Variants in GRIK1 observed in about 807,000 individuals in gnomAD.
GRIK1 encodes glutamate receptor ionotropic, kainate 1.
Under a neutral mutation model 105.7 loss-of-function variants are expected in GRIK1, and 69 were observed. The observed-to-expected ratio is 0.65, with a 90% CI of 0.54 to 0.80. The LOEUF (loss-of-function observed/expected upper bound fraction) is 0.80. Ranked by LOEUF, GRIK1 falls within the 30% of genes least tolerant of loss-of-function variation. The pLI is 0.00. For missense variants in GRIK1, 1,109 were observed against 1,167.3 expected (o/e 0.95, Z 0.73); for synonymous variants, 438 against 431.3 (o/e 1.02, Z -0.19).
intron 7 of GRIK1, among the ~76,000 whole-genome samples, chr21:29,609,888 C>T (rs934584330): frequency 1.3e-5 from 2 of 152,108 alleles, no homozygotes; most frequent in African/African-American, 4.8e-5. Context: ...CTCTCTCTCT[C>T]CTATTGGTTT....
At chr21:29,883,995 G>A (rs1261778575) in intron 1 of GRIK1, among the ~76,000 whole-genome samples, 3 of 151,934 alleles carry the variant, frequency 2.0e-5, no homozygotes, top group East Asian at 3.9e-4. Flanking sequence ...AGAAGGGGGG[G>A]ATGCTTTATG....
At chr21:29,558,349 TATATATATATATTTC>T (rs1473686722) in intron 15 of GRIK1, among the ~76,000 whole-genome samples, 16 of 128,982 alleles carry the variant, frequency 1.2e-4, no homozygotes, top group Non-Finnish European at 1.6e-4. Context: ...ACTTGAAATA[TATATATATATATTTC>T]ATATATATAT....
At chr21:29,912,406 C>CAGAGAATGTCTCACAGAATGT (rs1337501561) in intron 1 of GRIK1, among the ~76,000 whole-genome samples, 4 of 152,040 alleles carry the variant, frequency 2.6e-5, no homozygotes, top group African/African-American at 9.7e-5. Flanking sequence ...AAACTTCTCC[C>CAGAGAATGTCTCACAGAATGT]CTACACAGAA....
At chr21:29,905,605 C>G (rs1307809479) in intron 1 of GRIK1, among the ~76,000 whole-genome samples, 1 of 148,570 alleles carries the variant, frequency 6.7e-6, no homozygotes, top group Non-Finnish European at 1.5e-5. Context: ...ACCATCATGC[C>G]CAGCAAATTT....
chr21:29,907,214 A>C (rs2070675308), intron 1 of GRIK1, among the ~76,000 whole-genome samples: 1 of 152,048 alleles, frequency 6.6e-6, no homozygotes, highest in Admixed American at 6.5e-5. Context: ...TGGAAGAATA[A>C]ATATCAAAAA....
intron 1 of GRIK1, among the ~76,000 whole-genome samples, chr21:29,875,810 A>G (rs755529366): frequency 6.6e-6 from 1 of 152,226 alleles, no homozygotes; most frequent in Non-Finnish European, 1.5e-5. Context: ...TCAAAAACTC[A>G]TGCTTTAACT....
At chr21:29,906,504 G>A (rs1478038941) in intron 1 of GRIK1, among the ~76,000 whole-genome samples, 2 of 152,044 alleles carry the variant, frequency 1.3e-5, no homozygotes, top group Admixed American at 6.5e-5. Flanking sequence ...ATTGACACTT[G>A]TTATTTCATC....
chr21:29,857,146 G>A (rs2068487519), intron 1 of GRIK1, among the ~76,000 whole-genome samples: 2 of 152,212 alleles, frequency 1.3e-5, no homozygotes, highest in Non-Finnish European at 2.9e-5. Context: ...TAGTGCAGGT[G>A]TAGATAATGA....
At chr21:29,796,786 T>A (rs1370780334) in intron 1 of GRIK1, among the ~76,000 whole-genome samples, 1 of 151,976 alleles carries the variant, frequency 6.6e-6, no homozygotes, top group African/African-American at 2.4e-5. Flanking sequence ...CCATCTCTAC[T>A]AAAAATACAA....
At chr21:29,731,054 A>G (rs2064612100) in intron 1 of GRIK1, among the ~76,000 whole-genome samples, 1 of 152,188 alleles carries the variant, frequency 6.6e-6, no homozygotes, top group African/African-American at 2.4e-5. Context: ...ATTCTTTAAG[A>G]TTAGGAAACA....
At chr21:29,743,232 G>A (rs1486148536) in intron 1 of GRIK1, among the ~76,000 whole-genome samples, 1 of 152,084 alleles carries the variant, frequency 6.6e-6, no homozygotes, top group Non-Finnish European at 1.5e-5. Context: ...GCATATGGGT[G>A]TTTATAGAAT....
chr21:29,641,922 C>T (rs2062518530), intron 7 of GRIK1, among the ~76,000 whole-genome samples: 1 of 152,180 alleles, frequency 6.6e-6, no homozygotes, highest in Admixed American at 6.6e-5. Flanking sequence ...GGGTATTCTC[C>T]TGTGCCCTCC....
intron 4 of GRIK1, among the ~76,000 whole-genome samples, chr21:29,656,072 G>A (rs893551729): frequency 2.0e-5 from 3 of 151,736 alleles, no homozygotes; most frequent in Non-Finnish European, 4.4e-5. Flanking sequence ...GCATAGAAAT[G>A]AAGAGAGAAG....
intron 1 of GRIK1, among the ~76,000 whole-genome samples, chr21:29,824,449 A>T (rs2067390442): frequency 6.6e-6 from 1 of 151,974 alleles, no homozygotes; most frequent in Non-Finnish European, 1.5e-5. Context: ...TTAAACATAT[A>T]AAAAAAGTCA....
Position 29,901,882 on chromosome 21 carries a change from C to T in GRIK1, c.118+37501G>A, listed in dbSNP as rs574979116. Among the ~76,000 whole-genome samples, 8 of 151,182 alleles carry T rather than the reference C, an allele frequency of 5.3e-5. No individual in the cohort carries two copies. In the East Asian group the frequency reaches 5.8e-4, roughly 11 times the overall value. ...TTAGGCCAATAACCCTGATGAACAT[C>T]GATGCAAAAATCCTCAATAAAATAC... is the stretch of plus-strand genomic sequence containing the variant. On this transcript the variant is annotated intron_variant, in intron 1 of 17. Coordinates refer to ENST00000327783, the MANE Select transcript of GRIK1 (RefSeq NM_001330994.2).
At chr21:29,751,828 T>C (rs2065210884) in intron 1 of GRIK1, among the ~76,000 whole-genome samples, 1 of 152,202 alleles carries the variant, frequency 6.6e-6, no homozygotes, top group Admixed American at 6.5e-5. Context: ...TGCATTATGA[T>C]TGTTCCCATT....
intron 3 of GRIK1, among the ~76,000 whole-genome samples, chr21:29,681,894 G>A (rs956940118): frequency 6.6e-6 from 1 of 152,106 alleles, no homozygotes; most frequent in Non-Finnish European, 1.5e-5. Context: ...GATCTACCAG[G>A]GTGGCATCAC....
chr21:29,708,115 T>C (rs2063961676), intron 1 of GRIK1, among the ~76,000 whole-genome samples: 1 of 152,226 alleles, frequency 6.6e-6, no homozygotes, highest in Non-Finnish European at 1.5e-5. Context: ...CCATCCACCA[T>C]GTAGAAATGC....
intron 16 of GRIK1, among the ~76,000 whole-genome samples, chr21:29,541,121 C>G (rs1276935478): frequency 6.6e-6 from 1 of 152,164 alleles, no homozygotes; most frequent in Non-Finnish European, 1.5e-5. Context: ...GTGCGCGCCA[C>G]CACACGCGGC....
Sources: allele counts gnomAD v4.1 joint callset (sites outside exome capture counted in the v4.1 genomes callset), GRCh38; gene constraint gnomAD v4.1.1; transcripts MANE v1.5; gene names NCBI Gene and HGNC (gene_info 2026-07-23, HGNC 2026-07-21).